DNAH17: variants seen among roughly 807,000 people sequenced by gnomAD.
DNAH17 encodes the protein axonemal beta dynein heavy chain 17.
In DNAH17, 376 loss-of-function variants were observed where a neutral mutation model predicts 485.6. That is an observed-to-expected ratio of 0.77 (90% CI 0.71 to 0.84). The LOEUF is 0.84. Ranked by LOEUF, DNAH17 falls within the 40% of genes least tolerant of loss-of-function variation. The pLI is 0.00. For synonymous variants in DNAH17, 3,031 were observed against 2,405.9 expected, an observed-to-expected ratio of 1.26 and a Z score of -7.60; for missense variants, 6,370 against 5,839.3, an observed-to-expected ratio of 1.09 and a Z score of -2.96.
At chr17:78,543,047 G>T (rs2091642998) in intron 17 of DNAH17, among the ~76,000 whole-genome samples, 1 of 152,240 alleles carries the variant, frequency 6.6e-6, no homozygotes, top group South Asian at 2.1e-4. Flanking sequence ...GAGGAACCAG[G>T]CTTGGAAGTG....
intron 11 of DNAH17, among the ~76,000 whole-genome samples, chr17:78,566,049 C>T (rs553219369): frequency 6.6e-6 from 1 of 152,182 alleles, no homozygotes; most frequent in African/African-American, 2.4e-5. Context: ...GCCCCTTCTG[C>T]CATGTAAGGA....
In DNAH17 at chr17:78,561,005, G is replaced by A. The variant is rs532876662; in HGVS notation, c.1836-70C>T. 9.1e-5 allele frequency: 131 copies of A among 1,434,230 alleles called. 1 individual carries two copies. The highest frequency in any genetic ancestry group is 3.8e-4 in the African/African-American group (27 of 71,158). 88.8% of individuals were successfully genotyped at this position (1,434,230 alleles called of 1,614,324 possible). ...TGGGGTGTCTTCGGCACGTCCCATC[G>A]TTGCTGCCCGATCTGGGGTGCCGAA... On this transcript the variant is annotated intron_variant, in intron 12 of 80. Coordinates refer to ENST00000389840, the MANE Select transcript of DNAH17 (RefSeq NM_173628.4).
At chr17:78,462,763 G>A (rs555017550) in intron 57 of DNAH17, 81 bp downstream of exon 57, 1,187 of 1,409,574 alleles carry the variant, frequency 8.4e-4, no homozygotes, top group South Asian at 1.7e-3. Context: ...TGACCAGCCC[G>A]TGGATGCCTG....
chr17:78,460,049 C>G (rs768427482), intron 59 of DNAH17, 48 bp from the exon 60 acceptor site: 2 of 1,604,802 alleles, frequency 1.2e-6, no homozygotes, highest in Non-Finnish European at 1.7e-6. Flanking sequence ...GGACCGGGTC[C>G]TCGGTGATGC....
rs1378943140 is a variant in DNAH17, at chr17:78,571,343, G to A, written c.768C>T (p.Ile256=). The stretch of plus-strand genomic sequence containing the variant: ...AGTAGCAGCTTTTGGCTTTCTCTAG[G>A]ATCTCAACAATCTTGTTCACTTTGG... ...NRPKVNKIVE[I]LEKAKSCYWP... is the part of the protein sequence containing the mutation. Residue 256 remains isoleucine, a synonymous_variant, in exon 5 of 81, where the codon ATC becomes ATT. Coordinates refer to ENST00000389840, the MANE Select transcript of DNAH17 (RefSeq NM_173628.4). 1 of 1,613,934 alleles carries A rather than the reference G, an allele frequency of 6.2e-7. No individual in the cohort carries two copies. The highest frequency in any genetic ancestry group is 1.1e-5 in the South Asian group (1 of 91,068).
In DNAH17 at chr17:78,507,327, C is replaced by T. The variant is rs770793275; in HGVS notation, c.4627G>A (p.Ala1543Thr). Residue 1543 changes from alanine (A) to threonine (T), a missense_variant, in exon 29 of 81, where the codon GCC becomes ACC. Transcript: ENST00000389840. Reference sequence around the variant, plus strand: ...TTGTAGAGGCCGGGTTTGCTGGTGGCTTCCACCACGTTGGGTGTTTTCACT... The same window carrying T: ...TTGTAGAGGCCGGGTTTGCTGGTGGTTTCCACCACGTTGGGTGTTTTCACT... ...DAVKTPNVVE[A>T]TSKPGLYNKL... 14 of 1,613,906 alleles carry T rather than the reference C, an allele frequency of 8.7e-6. No individual in the cohort carries two copies. Among genetic ancestry groups the T allele is most frequent in the Middle Eastern group, 1.6e-4 (1 of 6,084 alleles).
At chr17:78,442,056 C>T (rs1169107655) in intron 71 of DNAH17, among the ~76,000 whole-genome samples, 1 of 150,282 alleles carries the variant, frequency 6.7e-6, no homozygotes. Context: ...GCACTCCAGC[C>T]TGGGCAAGAG....
At chr17:78,441,489 C>T (rs1598453533) in intron 71 of DNAH17, among the ~76,000 whole-genome samples, 1 of 152,040 alleles carries the variant, frequency 6.6e-6, no homozygotes, top group Non-Finnish European at 1.5e-5. Context: ...CACCCAGGGT[C>T]AACTGCGGGG....
chr17:78,570,388 C>G lies in DNAH17; in HGVS notation c.919-16G>C. The G allele has an allele frequency of 6.2e-7, 1 of 1,607,062 alleles. No homozygotes were observed. The highest frequency in any genetic ancestry group is 8.5e-7 in the Non-Finnish European group (1 of 1,177,590). On this transcript the variant is annotated splice_polypyrimidine_tract_variant and intron_variant, in intron 6 of 80. Coordinates refer to ENST00000389840, the MANE Select transcript of DNAH17 (RefSeq NM_173628.4). ...AGGTGGGGAGCTGGGGGGAGACAGG[C>G]CCAGGCACACTGGAGGGGACTGGCC...
intron 16 of DNAH17, among the ~76,000 whole-genome samples, chr17:78,548,425 C>G (rs138017158): frequency 0.089 from 13,531 of 152,026 alleles, 758 homozygotes; most frequent in South Asian, 0.17. Flanking sequence ...AGGATGGTCT[C>G]GATCTCCTGA....
chr17:78,462,480 G>A (rs2088183590), intron 57 of DNAH17, among the ~76,000 whole-genome samples: 1 of 152,140 alleles, frequency 6.6e-6, no homozygotes, highest in South Asian at 2.1e-4. Context: ...AAGGATCCAG[G>A]GAGGTTTTTG....
chr17:78,562,134 A>C (rs1229512807), intron 11 of DNAH17, among the ~76,000 whole-genome samples, 154 bp from the exon 12 acceptor site: 3 of 152,226 alleles, frequency 2.0e-5, no homozygotes, highest in Admixed American at 6.5e-5. Context: ...TGTGTGTGTC[A>C]ACTGGCTCAG....
chr17:78,432,012 A>G (rs1347944819), intron 75 of DNAH17, among the ~76,000 whole-genome samples: 1 of 151,636 alleles, frequency 6.6e-6, no homozygotes, highest in Admixed American at 6.6e-5. Context: ...TCTTTACAGA[A>G]CAAAACAAAA....
In DNAH17 at chr17:78,434,146, C is replaced by G. The variant is rs771440313; in HGVS notation, c.12108G>C (p.Val4036=). The change falls in exon 75 of 81, where the codon GTG becomes GTC. Residue 4036 remains valine, a synonymous_variant. Transcript: ENST00000389840. ...MLFALCYFHA[V]VAERRKFGAQ... is the part of the protein sequence containing the mutation. ...CGCCGAACTTGCGCCTCTCTGCCACCACAGCGTGGAAGTAGCACAGGGCGA... is the reference window on the plus strand; with the variant it reads ...CGCCGAACTTGCGCCTCTCTGCCACGACAGCGTGGAAGTAGCACAGGGCGA... 1.2e-6 allele frequency: 2 copies of G among 1,613,656 alleles called. No homozygotes were observed. Among genetic ancestry groups the G allele is most frequent in the South Asian group, 2.2e-5 (2 of 91,088 alleles).
chr17:78,537,909 C>A (rs150672227), intron 18 of DNAH17, among the ~76,000 whole-genome samples: 1 of 152,064 alleles, frequency 6.6e-6, no homozygotes. Flanking sequence ...GAGGCCAAGG[C>A]GGGTGGATCA....
chr17:78,505,438 C>A lies in DNAH17; in HGVS notation c.4811G>T (p.Arg1604Leu), dbSNP rs776858136. The change falls in exon 31 of 81, where the codon CGC (arginine) becomes CTC (leucine). Residue 1604 changes from arginine to leucine, a missense_variant. Transcript: ENST00000389840. Reference protein sequence around the residue: ...SNGNDPVEVSRHLSKLFDSLC... With the variant: ...SNGNDPVEVSLHLSKLFDSLC... ...GCTATCGAAGAGTTTGGACAGGTGG[C>A]GGCTCACCTGGGAGGAGGCAAGAAG... 6.2e-6 allele frequency: 10 copies of A among 1,613,888 alleles called. No homozygotes were observed. The highest frequency in any genetic ancestry group is 8.5e-6 in the Non-Finnish European group (10 of 1,179,864).
At chr17:78,477,189 G>A (rs993460729) in intron 51 of DNAH17, among the ~76,000 whole-genome samples, 2 of 152,160 alleles carry the variant, frequency 1.3e-5, no homozygotes, top group African/African-American at 4.8e-5. Flanking sequence ...GCACAGCGAT[G>A]ATGCAACAGA....
At chr17:78,522,922 T>G (rs962758698) in intron 25 of DNAH17, 1 of 158,704 alleles carries the variant, frequency 6.3e-6, no homozygotes, top group Non-Finnish European at 1.4e-5. Flanking sequence ...GGCTCCATCA[T>G]AGCTCACTGT....
At chr17:78,471,406 T>C (rs2088744753) in intron 54 of DNAH17, among the ~76,000 whole-genome samples, 2 of 152,242 alleles carry the variant, frequency 1.3e-5, no homozygotes, top group South Asian at 2.1e-4. Context: ...GTAAGGAGCG[T>C]AGTGTGAGAG....
Sources: allele counts gnomAD v4.1 joint callset (sites outside exome capture counted in the v4.1 genomes callset), GRCh38; gene constraint gnomAD v4.1.1; transcripts MANE v1.5; gene names NCBI Gene and HGNC (gene_info 2026-07-23, HGNC 2026-07-21).